The following SLC24A3 variants were observed in gnomAD, a reference collection of about 807,000 sequenced individuals.
SLC24A3 encodes sodium/potassium/calcium exchanger 3.
A neutral mutation model predicts 75.8 loss-of-function variants in SLC24A3; 28 were observed. The observed-to-expected ratio is 0.37, with a 90% CI of 0.27 to 0.51. The LOEUF (loss-of-function observed/expected upper bound fraction) is 0.51, where lower values mean the gene tolerates loss of function less well. Among genes scored for constraint, SLC24A3 ranks in the 20% least tolerant of loss-of-function variants. The pLI is 0.94. For synonymous variants in SLC24A3, 372 were observed against 334.1 expected, an observed-to-expected ratio of 1.11 and a Z score of -1.24; for missense variants, 663 against 847.8, an observed-to-expected ratio of 0.78 and a Z score of 2.71.
At chr20:19,523,629 G>A in intron 3 of SLC24A3, among the ~76,000 whole-genome samples, 1 of 152,200 alleles carries the variant, frequency 6.6e-6, no homozygotes, top group Admixed American at 6.5e-5. Context: ...ACGGCTTAGA[G>A]CATGCCCTTG....
At chr20:19,331,925 G>T (rs1985009233) in intron 2 of SLC24A3, among the ~76,000 whole-genome samples, 1 of 152,242 alleles carries the variant, frequency 6.6e-6, no homozygotes, top group African/African-American at 2.4e-5. Context: ...GAATTTGATT[G>T]AGGGAAGGAG....
chr20:19,473,452 TAAC>T (rs1987907980), intron 2 of SLC24A3, among the ~76,000 whole-genome samples: 1 of 152,224 alleles, frequency 6.6e-6, no homozygotes. Context: ...GCGGTGGTAA[TAAC>T]AACAGCAATG....
chr20:19,348,356 G>A (rs1476342720), intron 2 of SLC24A3, among the ~76,000 whole-genome samples: 2 of 152,154 alleles, frequency 1.3e-5, no homozygotes, highest in East Asian at 3.9e-4. Flanking sequence ...CCCACATGTG[G>A]CAAACACAGT....
At chr20:19,483,879 A>G (rs1436649063) in intron 2 of SLC24A3, among the ~76,000 whole-genome samples, 2 of 152,232 alleles carry the variant, frequency 1.3e-5, no homozygotes, top group African/African-American at 4.8e-5. Flanking sequence ...AGTATCCATG[A>G]AAGAGACTTC....
rs138333589 is a variant in SLC24A3, at chr20:19,700,832, T to G, written c.1719+2152T>G. Among the ~76,000 whole-genome samples the G allele has an allele frequency of 2.6e-5, 4 of 152,250 alleles. No individual in the cohort carries two copies. In the South Asian group the frequency reaches 8.3e-4, roughly 32 times the overall value. ...TCATGCTGCTGCTCTTGGACACTTA[T>G]GTTGATTCAAACCTTTCACTGTTGT... On this transcript the variant is annotated intron_variant, in intron 15 of 16. Transcript: ENST00000328041.
intron 3 of SLC24A3, among the ~76,000 whole-genome samples, chr20:19,526,008 T>C (rs1157078701): frequency 2.6e-5 from 4 of 152,150 alleles, no homozygotes; most frequent in African/African-American, 9.7e-5. Context: ...GAGGATGCCC[T>C]GCCTCTCATC....
At chr20:19,684,079 G>C in intron 10 of SLC24A3, 97 bp from the exon 11 acceptor site, 1 of 1,371,806 alleles carries the variant, frequency 7.3e-7, no homozygotes, top group Non-Finnish European at 1.0e-6. Flanking sequence ...GAGGAAAGAA[G>C]GGAGGAAGAG....
At chr20:19,679,506 A>AGGGAGACCGTGGGGAGC (rs2032582096) in intron 9 of SLC24A3, among the ~76,000 whole-genome samples, 2 of 145,646 alleles carry the variant, frequency 1.4e-5, no homozygotes, top group Non-Finnish European at 3.0e-5. Flanking sequence ...AGAGACGGAG[A>AGGGAGACCGTGGGGAGC]GGGAGACCGT....
chr20:19,361,806 G>A (rs6035308), intron 2 of SLC24A3, among the ~76,000 whole-genome samples: 82,158 of 152,104 alleles, frequency 0.54, 23,890 homozygotes, highest in African/African-American at 0.76. Context: ...TTACAATGTT[G>A]TCATAGAATC....
intron 9 of SLC24A3, among the ~76,000 whole-genome samples, chr20:19,680,118 CTGTG>C (rs111879136): frequency 0.29 from 42,150 of 146,470 alleles, 6,341 homozygotes; most frequent in African/African-American, 0.41. Flanking sequence ...GTGTCTGTGT[CTGTG>C]TGTGTGTCTG....
intron 1 of SLC24A3, among the ~76,000 whole-genome samples, chr20:19,272,320 G>A (rs1264135078): frequency 6.6e-6 from 1 of 152,254 alleles, no homozygotes; most frequent in Non-Finnish European, 1.5e-5. Flanking sequence ...TGCATATTGG[G>A]CTTTAGAGAT....
intron 15 of SLC24A3, among the ~76,000 whole-genome samples, chr20:19,707,839 G>C (rs2032946669): frequency 6.6e-6 from 1 of 152,220 alleles, no homozygotes; most frequent in African/African-American, 2.4e-5. Flanking sequence ...AGTTTGATAT[G>C]TTTGCGGGTC....
At chr20:19,496,711 G>C (rs1029230442) in intron 2 of SLC24A3, among the ~76,000 whole-genome samples, 2 of 152,180 alleles carry the variant, frequency 1.3e-5, no homozygotes, top group Non-Finnish European at 2.9e-5. Context: ...GAAGGGCACG[G>C]TGTCAAGCAG....
intron 2 of SLC24A3, among the ~76,000 whole-genome samples, chr20:19,507,506 A>G (rs1988478719): frequency 6.6e-6 from 1 of 152,236 alleles, no homozygotes; most frequent in African/African-American, 2.4e-5. Context: ...TCACTCAGGG[A>G]TCCAGGCTGA....
intron 15 of SLC24A3, among the ~76,000 whole-genome samples, chr20:19,700,153 T>G (rs2032854279): frequency 6.6e-6 from 1 of 152,186 alleles, no homozygotes; most frequent in Non-Finnish European, 1.5e-5. Context: ...TTTTTCAGAA[T>G]AAGTGTTGCT....
At chr20:19,322,738 C>T (rs1309888503) in intron 2 of SLC24A3, among the ~76,000 whole-genome samples, 1 of 152,142 alleles carries the variant, frequency 6.6e-6, no homozygotes, top group Non-Finnish European at 1.5e-5. Flanking sequence ...CACACCAGAC[C>T]TTGGCTCACA....
intron 2 of SLC24A3, among the ~76,000 whole-genome samples, chr20:19,406,181 G>GGTGTGT (rs372463704): frequency 5.5e-5 from 8 of 145,444 alleles, no homozygotes; most frequent in South Asian, 2.2e-4. Flanking sequence ...TTTTAAAGAT[G>GGTGTGT]GTGTGTGTGT....
chr20:19,462,711 G>GCCGAGGCT (rs1320443356), intron 2 of SLC24A3, among the ~76,000 whole-genome samples: 1 of 152,164 alleles, frequency 6.6e-6, no homozygotes, highest in Non-Finnish European at 1.5e-5. Context: ...CCAGGACACA[G>GCCGAGGCT]CCGAGGCTTC....
chr20:19,583,816 G>C (rs1431803329), intron 4 of SLC24A3, among the ~76,000 whole-genome samples: 1 of 152,180 alleles, frequency 6.6e-6, no homozygotes, highest in South Asian at 2.1e-4. Context: ...GCAACTTTGC[G>C]CTATCTGCGC....
Sources: gnomAD v4.1 joint callset for allele counts (sites outside exome capture counted in the v4.1 genomes callset) on GRCh38, gnomAD v4.1.1 for gene constraint, MANE v1.5 for transcripts, NCBI Gene and HGNC (gene_info 2026-07-23, HGNC 2026-07-21) for gene names.